The following CDH13 variants were observed in gnomAD, a reference collection of about 807,000 sequenced individuals.
CDH13 encodes cadherin 13, also known as cadherin-13.
A neutral mutation model predicts 63.8 loss-of-function variants in CDH13; 24 were observed. The ratio of observed to expected loss-of-function variants is 0.38; its 90% CI spans 0.27 to 0.53. CDH13 has a LOEUF of 0.53. Among genes scored for constraint, CDH13 ranks in the 20% least tolerant of loss-of-function variants. The pLI is 0.85. For missense variants in CDH13, 1,049 were observed against 903.1 expected (o/e 1.16, Z -2.07); for synonymous variants, 503 against 355.3 (o/e 1.42, Z -4.67).
chr16:83,267,815 T>C (rs1462265368), intron 5 of CDH13, among the ~76,000 whole-genome samples: 1 of 152,198 alleles, frequency 6.6e-6, no homozygotes, highest in Non-Finnish European at 1.5e-5. Flanking sequence ...TAACAAGATA[T>C]TATGTTGTCA....
chr16:82,629,566 A>G (rs1272133752), intron 1 of CDH13, among the ~76,000 whole-genome samples: 2 of 152,234 alleles, frequency 1.3e-5, no homozygotes, highest in East Asian at 1.9e-4. Flanking sequence ...CAATGTAATA[A>G]AACAAATTAG....
At chr16:83,015,057 T>C (rs936423047) in intron 2 of CDH13, among the ~76,000 whole-genome samples, 1 of 151,196 alleles carries the variant, frequency 6.6e-6, no homozygotes, top group Non-Finnish European at 1.5e-5. Context: ...TAAAAAGTAT[T>C]TAATAGCTAT....
At chr16:82,680,563 G>T (rs1914433594) in intron 1 of CDH13, among the ~76,000 whole-genome samples, 1 of 152,108 alleles carries the variant, frequency 6.6e-6, no homozygotes, top group African/African-American at 2.4e-5. Context: ...TCCAAAATAT[G>T]CTTCAGTGAC....
At chr16:82,809,387 T>A (rs894410446) in intron 1 of CDH13, among the ~76,000 whole-genome samples, 1 of 151,476 alleles carries the variant, frequency 6.6e-6, no homozygotes, top group Non-Finnish European at 1.5e-5. Context: ...AGCCGGTGAG[T>A]TTCTTCCTGA....
intron 2 of CDH13, among the ~76,000 whole-genome samples, chr16:83,019,639 G>A (rs1048905783): frequency 6.6e-6 from 1 of 151,378 alleles, no homozygotes; most frequent in Non-Finnish European, 1.5e-5. Context: ...GGGACCACAG[G>A]CACCAGCCAC....
At chr16:82,907,312 C>G (rs74029999) in intron 2 of CDH13, among the ~76,000 whole-genome samples, 6,473 of 152,140 alleles carry the variant, frequency 0.043, 441 homozygotes, top group African/African-American at 0.14. Flanking sequence ...TCCTCTTTAC[C>G]CCTCACTAGG....
In CDH13 at chr16:83,060,079, C is replaced by T. The variant is rs1267278930; in HGVS notation, c.366+27861C>T. On this transcript the variant is annotated intron_variant, in intron 3 of 13. Transcript: ENST00000567109. ...AAATTGCTGGGATTACAAACGTGAGCCACCGCACCCGGCCTACTTTTACGT... is the reference window on the plus strand; with the variant it reads ...AAATTGCTGGGATTACAAACGTGAGTCACCGCACCCGGCCTACTTTTACGT... 3.9e-5 allele frequency among the ~76,000 whole-genome samples: 6 copies of T among 152,208 alleles called. No individual in the cohort carries two copies. In the South Asian group the frequency reaches 8.3e-4, roughly 21 times the overall value.
At chr16:83,141,157 T>G (rs2036512857) in intron 4 of CDH13, among the ~76,000 whole-genome samples, 1 of 152,218 alleles carries the variant, frequency 6.6e-6, no homozygotes, top group African/African-American at 2.4e-5. Context: ...CAGAGAATAT[T>G]AAAGCCGGAG....
intron 7 of CDH13, among the ~76,000 whole-genome samples, chr16:83,500,348 C>T (rs764814415): frequency 0.16 from 90 of 552 alleles, 43 homozygotes; most frequent in East Asian, 1. Flanking sequence ...CCTCCTCCTC[C>T]TCCTCCTTCT....
At chr16:83,154,539 C>T (rs2037125939) in intron 4 of CDH13, among the ~76,000 whole-genome samples, 1 of 151,290 alleles carries the variant, frequency 6.6e-6, no homozygotes, top group Non-Finnish European at 1.5e-5. Context: ...TGCACTCCAA[C>T]CTGGCGACAG....
chr16:83,691,717 C>T (rs1442268069), intron 10 of CDH13, among the ~76,000 whole-genome samples: 1 of 151,984 alleles, frequency 6.6e-6, no homozygotes, highest in Admixed American at 6.6e-5. Flanking sequence ...GTACATTGTC[C>T]CCAGGAGTCG....
chr16:83,716,158 A>G (rs1236195896), intron 10 of CDH13, among the ~76,000 whole-genome samples: 1 of 152,186 alleles, frequency 6.6e-6, no homozygotes, highest in East Asian at 1.9e-4. Flanking sequence ...AGCAGAAGGT[A>G]CAGGGAGTTC....
At chr16:83,483,226 G>A (rs1053533528) in intron 6 of CDH13, among the ~76,000 whole-genome samples, 2 of 152,132 alleles carry the variant, frequency 1.3e-5, no homozygotes, top group Admixed American at 6.5e-5. Context: ...TCCCTCAGAG[G>A]CGCGATTTCC....
intron 8 of CDH13, among the ~76,000 whole-genome samples, chr16:83,658,158 C>T (rs1357695537): frequency 1.4e-5 from 2 of 141,296 alleles, no homozygotes; most frequent in Admixed American, 7.1e-5. Flanking sequence ...ACCACCAGGT[C>T]CCATGTCCTC....
chr16:83,238,922 T>A (rs1904290150), intron 5 of CDH13, among the ~76,000 whole-genome samples: 1 of 152,190 alleles, frequency 6.6e-6, no homozygotes, highest in Admixed American at 6.5e-5. Flanking sequence ...TCCTCACCTT[T>A]GGGCTAAGAG....
chr16:82,823,332 G>A (rs1292778284), intron 1 of CDH13: 2 of 152,074 alleles, frequency 1.3e-5, no homozygotes, highest in East Asian at 3.9e-4. Flanking sequence ...TATTGCTGTG[G>A]CCGTTACTAG....
intron 1 of CDH13, among the ~76,000 whole-genome samples, chr16:82,668,873 T>C (rs1481061587): frequency 6.6e-6 from 1 of 152,244 alleles, no homozygotes; most frequent in Non-Finnish European, 1.5e-5. Context: ...TGTACCTTCC[T>C]GGACTTCAGC....
chr16:82,722,619 C>T (rs2032848101), intron 1 of CDH13, among the ~76,000 whole-genome samples: 1 of 152,074 alleles, frequency 6.6e-6, no homozygotes, highest in Non-Finnish European at 1.5e-5. Context: ...AGGTGATTTC[C>T]CAAAGACCCA....
chr16:83,564,902 CTGT>C (rs1303627348), intron 7 of CDH13, among the ~76,000 whole-genome samples: 15 of 152,234 alleles, frequency 9.9e-5, no homozygotes, highest in Non-Finnish European at 1.8e-4. Flanking sequence ...ATGCTGTAAA[CTGT>C]TGTTGTTGGT....
Sources: gnomAD v4.1 joint callset for allele counts (sites outside exome capture counted in the v4.1 genomes callset) on GRCh38, gnomAD v4.1.1 for gene constraint, MANE v1.5 for transcripts, NCBI Gene and HGNC (gene_info 2026-07-23, HGNC 2026-07-21) for gene names.